The following LCLAT1 variants were observed in gnomAD, a reference collection of about 807,000 sequenced individuals.
LCLAT1 encodes 1-AGP acyltransferase 8.
In LCLAT1, 11 loss-of-function variants were observed where a neutral mutation model predicts 30.7. The observed-to-expected ratio is 0.36, with a 90% confidence interval of 0.23 to 0.59. The LOEUF is 0.59. Among genes scored for constraint, LCLAT1 ranks in the 20% least tolerant of loss-of-function variants. LCLAT1 has a pLI of 0.77. For missense variants in LCLAT1, 402 were observed against 458.6 expected (o/e 0.88, Z 1.13); for synonymous variants, 155 against 151.3 (o/e 1.02, Z -0.18).
At chr2:30,536,773 G>C (rs1686266607) in intron 3 of LCLAT1, among the ~76,000 whole-genome samples, 1 of 152,142 alleles carries the variant, frequency 6.6e-6, no homozygotes, top group Non-Finnish European at 1.5e-5. Context: ...AAATTGCATA[G>C]ATAAACAATA....
chr2:30,470,579 A>G (rs1317404777), intron 1 of LCLAT1, among the ~76,000 whole-genome samples: 1 of 152,234 alleles, frequency 6.6e-6, no homozygotes, highest in Non-Finnish European at 1.5e-5. Flanking sequence ...ATGAGGTTAG[A>G]AGCAAGATGG....
intron 1 of LCLAT1, among the ~76,000 whole-genome samples, chr2:30,501,047 C>T (rs1684352084): frequency 6.6e-6 from 1 of 150,502 alleles, no homozygotes; most frequent in African/African-American, 2.5e-5. Context: ...CTTACCACTC[C>T]CTAATTCCGT....
At chr2:30,493,020 C>A (rs1683909125) in intron 1 of LCLAT1, among the ~76,000 whole-genome samples, 1 of 152,164 alleles carries the variant, frequency 6.6e-6, no homozygotes, top group Admixed American at 6.5e-5. Flanking sequence ...CATTGTTTAA[C>A]CTGCTGAACC....
chr2:30,617,074 T>G (rs1668029058), intron 5 of LCLAT1, among the ~76,000 whole-genome samples: 1 of 152,156 alleles, frequency 6.6e-6, no homozygotes, highest in Admixed American at 6.5e-5. Flanking sequence ...TGTACTCATT[T>G]TAAGTGTACA....
intron 1 of LCLAT1, among the ~76,000 whole-genome samples, chr2:30,486,815 A>G (rs1683581405): frequency 6.6e-6 from 1 of 152,218 alleles, no homozygotes; most frequent in South Asian, 2.1e-4. Flanking sequence ...CAAGCAGCCT[A>G]GGTCCCTGAA....
chr2:30,469,720 A>G (rs1364620695), intron 1 of LCLAT1, among the ~76,000 whole-genome samples: 1 of 151,830 alleles, frequency 6.6e-6, no homozygotes, highest in Non-Finnish European at 1.5e-5. Context: ...CTGGGACTAC[A>G]GGTGCCCACC....
At chr2:30,461,771 T>A (rs2692038) in intron 1 of LCLAT1, among the ~76,000 whole-genome samples, 17 of 89,632 alleles carry the variant, frequency 1.9e-4, no homozygotes, top group Admixed American at 4.6e-4. Flanking sequence ...TAAATTAAAC[T>A]TTTTTTTTTT....
rs182078511 is a variant in LCLAT1, at chr2:30,476,238, A to T, written c.-5+28855A>T. Reference sequence around the variant, plus strand: ...TCACAATAGTCTTTAAGTAGCTACCACTTTTAGTCCAATTTATTTGTGTAG... The same window carrying T: ...TCACAATAGTCTTTAAGTAGCTACCTCTTTTAGTCCAATTTATTTGTGTAG... On this transcript the variant is annotated intron_variant, in intron 1 of 5. Coordinates refer to ENST00000379509, the MANE Select transcript of LCLAT1 (RefSeq NM_001002257.3). 4.8e-4 allele frequency among the ~76,000 whole-genome samples: 73 copies of T among 152,342 alleles called. No individual in the cohort carries two copies. The East Asian group carries it at 0.012, about 25-fold the overall frequency.
intron 2 of LCLAT1, among the ~76,000 whole-genome samples, chr2:30,532,457 C>G (rs1686027051): frequency 6.6e-6 from 1 of 151,660 alleles, no homozygotes; most frequent in African/African-American, 2.4e-5. Flanking sequence ...TGTTATTTTA[C>G]TTTCAAGAAC....
intron 3 of LCLAT1, among the ~76,000 whole-genome samples, chr2:30,561,921 G>A (rs887741318): frequency 2.6e-5 from 4 of 151,998 alleles, no homozygotes; most frequent in African/African-American, 9.7e-5. Context: ...AGATAATTTT[G>A]AGAATTTTGC....
At chr2:30,617,213 C>T (rs1352207821) in intron 5 of LCLAT1, among the ~76,000 whole-genome samples, 1 of 152,162 alleles carries the variant, frequency 6.6e-6, no homozygotes, top group African/African-American at 2.4e-5. Flanking sequence ...ACGTTGGTCC[C>T]TGGAACCCAC....
chr2:30,486,222 G>T (rs829680), intron 1 of LCLAT1, among the ~76,000 whole-genome samples: 114,411 of 152,008 alleles, frequency 0.75, 43,641 homozygotes, highest in East Asian at 0.87. Context: ...AAAGAACTTT[G>T]GACAGCCTTA....
Position 30,525,723 on chromosome 2 carries a change from C to A in LCLAT1, c.133C>A (p.Arg45Ser). 1 of 1,614,068 alleles carries A rather than the reference C, an allele frequency of 6.2e-7. No individual in the cohort carries two copies. The highest frequency in any genetic ancestry group is 8.5e-7 in the Non-Finnish European group (1 of 1,180,014). ...ATCTTGGTATCGCTGGATCAACAAC[C>A]GCCTTGTGGCAACATGGCTCACCCT... ...NPSWYRWINN[R>S]LVATWLTLPV... Residue 45 changes from arginine to serine, a missense_variant, in exon 2 of 6, where the codon CGC becomes AGC. Arg to Ser is a moderately radical substitution (Grantham distance 110). Coordinates refer to ENST00000379509, the MANE Select transcript of LCLAT1 (RefSeq NM_001002257.3).
intron 1 of LCLAT1, among the ~76,000 whole-genome samples, chr2:30,449,390 T>C (rs1681429745): frequency 6.6e-6 from 1 of 152,250 alleles, no homozygotes; most frequent in Non-Finnish European, 1.5e-5. Flanking sequence ...TGGCGTCCAA[T>C]AGTGATTTGT....
chr2:30,521,854 A>G (rs1380791969), intron 1 of LCLAT1, among the ~76,000 whole-genome samples: 2 of 151,916 alleles, frequency 1.3e-5, no homozygotes, highest in Non-Finnish European at 2.9e-5. Flanking sequence ...CCATCTCCCT[A>G]CTTGTAATCT....
intron 1 of LCLAT1, among the ~76,000 whole-genome samples, 178 bp from the exon 2 acceptor site, chr2:30,525,409 G>A (rs180742768): frequency 5.3e-5 from 8 of 152,214 alleles, no homozygotes; most frequent in Non-Finnish European, 1.0e-4. Flanking sequence ...CTGGCAACTT[G>A]TTAGACCAGT....
intron 5 of LCLAT1, among the ~76,000 whole-genome samples, chr2:30,632,647 A>G (rs1572721752): frequency 6.6e-6 from 1 of 152,268 alleles, no homozygotes; most frequent in Non-Finnish European, 1.5e-5. Context: ...TAATGATGAT[A>G]CAACAAGAAC....
intron 5 of LCLAT1, among the ~76,000 whole-genome samples, chr2:30,601,538 G>C (rs1209942031): frequency 6.6e-6 from 1 of 152,108 alleles, no homozygotes; most frequent in Non-Finnish European, 1.5e-5. Flanking sequence ...ATAAGACCAA[G>C]ATTGTGGGTT....
intron 5 of LCLAT1, among the ~76,000 whole-genome samples, chr2:30,626,752 A>G (rs1668531114): frequency 6.6e-6 from 1 of 151,802 alleles, no homozygotes; most frequent in African/African-American, 2.4e-5. Context: ...CCTCTTTAGT[A>G]ATGAAGCATG....
Sources: gnomAD v4.1 joint callset for allele counts (sites outside exome capture counted in the v4.1 genomes callset) on GRCh38, gnomAD v4.1.1 for gene constraint, MANE v1.5 for transcripts, NCBI Gene and HGNC (gene_info 2026-07-23, HGNC 2026-07-21) for gene names.